INPP5A: variants seen among roughly 807,000 people sequenced by gnomAD.
The protein encoded by INPP5A is 43 kDa inositol polyphosphate 5-phophatase.
In INPP5A, 14 loss-of-function variants were observed where a neutral mutation model predicts 65.2. The observed-to-expected ratio is 0.21, with a 90% confidence interval of 0.14 to 0.34. The LOEUF is 0.34. Among genes scored for constraint, INPP5A ranks in the 10% least tolerant of loss-of-function variants. The probability of loss-of-function intolerance (pLI) is 1.00; values close to 1 mark genes in which losing one functional copy is unlikely to be tolerated. For synonymous variants in INPP5A, 207 were observed against 208.3 expected, an observed-to-expected ratio of 0.99 and a Z score of 0.05; for missense variants, 431 against 545.6, an observed-to-expected ratio of 0.79 and a Z score of 2.09.
In INPP5A at chr10:132,698,023, G is replaced by A; in HGVS notation, c.474+104G>A. 1.4e-6 allele frequency: 1 copy of A among 740,140 alleles called. No individual in the cohort carries two copies. Among genetic ancestry groups the A allele is most frequent in the Non-Finnish European group, 2.4e-6 (1 of 417,718 alleles). 45.8% of individuals were successfully genotyped at this position (740,140 alleles called of 1,614,324 possible). On this transcript the variant is annotated intron_variant, in intron 6 of 15. Transcript: ENST00000368594. This position sits in a 1 kb window ranked among gnomAD's most constrained non-coding sequence, Gnocchi z 5.5. Reference sequence around the variant, plus strand: ...TCGCATTGCACTGTTACTAGTCACAGCTGCCTGTTGTTACCTCCGATAATC... The same window carrying A: ...TCGCATTGCACTGTTACTAGTCACAACTGCCTGTTGTTACCTCCGATAATC...
intron 1 of INPP5A, among the ~76,000 whole-genome samples, chr10:132,569,041 G>A (rs1044016848): frequency 1.3e-5 from 2 of 150,814 alleles, no homozygotes; most frequent in Non-Finnish European, 2.9e-5. Context: ...TCAGCCTCTC[G>A]AGTAGCTGGG....
intron 5 of INPP5A, among the ~76,000 whole-genome samples, chr10:132,692,038 C>T (rs1326218388): frequency 2.6e-5 from 4 of 152,094 alleles, no homozygotes; most frequent in Non-Finnish European, 5.9e-5. Flanking sequence ...TGATGCTCAG[C>T]GCAGTCGGGG....
At chr10:132,717,697 T>A (rs1845766436) in intron 8 of INPP5A, among the ~76,000 whole-genome samples, 1 of 148,170 alleles carries the variant, frequency 6.7e-6, no homozygotes, top group East Asian at 2.0e-4. Context: ...GTCTTGCGGG[T>A]TCTGTGGTGC....
At chr10:132,615,693 A>C (rs1300405683) in intron 2 of INPP5A, among the ~76,000 whole-genome samples, 3 of 152,022 alleles carry the variant, frequency 2.0e-5, no homozygotes, top group African/African-American at 7.3e-5. Flanking sequence ...CCTGCTGGAG[A>C]GTGGGCAGCT....
rs1473732901 is a variant in INPP5A at position 132,549,102 on chromosome 10, C to G, written c.75+10931C>G. Among the ~76,000 whole-genome samples, 1 of 152,160 alleles carries G rather than the reference C, an allele frequency of 6.6e-6. No homozygotes were observed. The highest frequency in any genetic ancestry group is 1.5e-5 in the Non-Finnish European group (1 of 68,028). On this transcript the variant is annotated intron_variant, in intron 1 of 15. Coordinates refer to ENST00000368594, the MANE Select transcript of INPP5A (RefSeq NM_005539.5). The surrounding 1 kb of genome is among the most constrained non-coding windows in gnomAD (Gnocchi z 4.9). ...GCCACTGCGCCTGGGCTTGTCTTCC[C>G]TGTTTCATGGCTGAGCAGTGTCCCC...
intron 11 of INPP5A, among the ~76,000 whole-genome samples, chr10:132,751,179 C>T (rs896234421): frequency 6.6e-6 from 1 of 152,214 alleles, no homozygotes; most frequent in African/African-American, 2.4e-5. Flanking sequence ...GCCTCCTGCC[C>T]CTCATCAACC....
chr10:132,628,463 C>CGGGGGGGGGGGGGG (rs55668291), intron 2 of INPP5A, among the ~76,000 whole-genome samples: 26 of 23,310 alleles, frequency 1.1e-3, no homozygotes, highest in South Asian at 2.9e-3. Flanking sequence ...GCTCTGGTGG[C>CGGGGGGGGGGGGGG]GGGGGGGGGG....
intron 11 of INPP5A, among the ~76,000 whole-genome samples, chr10:132,750,940 G>A (rs905051379): frequency 2.6e-5 from 4 of 152,336 alleles, no homozygotes; most frequent in African/African-American, 7.2e-5. Context: ...CCAGCCAGGT[G>A]TCTGTGTGTC....
At chr10:132,750,296 G>T (rs539144905) in intron 11 of INPP5A, among the ~76,000 whole-genome samples, 1 of 152,256 alleles carries the variant, frequency 6.6e-6, no homozygotes, top group Non-Finnish European at 1.5e-5. Context: ...TAGTGCATGC[G>T]TGTGCACATG....
intron 6 of INPP5A, among the ~76,000 whole-genome samples, chr10:132,699,899 C>T (rs1258774242): frequency 1.3e-5 from 2 of 152,210 alleles, no homozygotes; most frequent in African/African-American, 4.8e-5. Context: ...TGAAGTTGGG[C>T]AAGATCTGGG....
At chr10:132,710,179 G>A (rs917542145) in intron 7 of INPP5A, among the ~76,000 whole-genome samples, 158 bp from the exon 8 acceptor site, 1 of 152,266 alleles carries the variant, frequency 6.6e-6, no homozygotes, top group Non-Finnish European at 1.5e-5. Context: ...CTCTGGCCTT[G>A]TCGGAAGACA....
rs1476350959 is a variant in INPP5A at position 132,587,501 on chromosome 10, C to T, written c.76-20414C>T. On this transcript the variant is annotated intron_variant, in intron 1 of 15. Transcript: ENST00000368594. This position sits in a 1 kb window ranked among gnomAD's most constrained non-coding sequence, Gnocchi z 4.3. ...GGCCATACCAGACGGAACCTTTGTCCACAGGGTCCCTGTAACCAGAGCTGT... is the reference window on the plus strand; with the variant it reads ...GGCCATACCAGACGGAACCTTTGTCTACAGGGTCCCTGTAACCAGAGCTGT... 6.6e-6 allele frequency among the ~76,000 whole-genome samples: 1 copy of T among 152,162 alleles called. No individual in the cohort carries two copies. The highest frequency in any genetic ancestry group is 2.4e-5 in the African/African-American group (1 of 41,444).
chr10:132,730,719 G>T, intron 9 of INPP5A, among the ~76,000 whole-genome samples: 1 of 152,186 alleles, frequency 6.6e-6, no homozygotes, highest in East Asian at 1.9e-4. Context: ...AGCTCCTGCG[G>T]GCCTGGCTGA....
intron 12 of INPP5A, among the ~76,000 whole-genome samples, chr10:132,773,009 G>C (rs1164326720): frequency 6.6e-6 from 1 of 152,268 alleles, no homozygotes; most frequent in Non-Finnish European, 1.5e-5. Flanking sequence ...TGCACAGGTG[G>C]AGAGGACGCC....
chr10:132,736,085 A>G (rs190940694), intron 9 of INPP5A, among the ~76,000 whole-genome samples: 429 of 152,338 alleles, frequency 2.8e-3, no homozygotes, highest in African/African-American at 9.8e-3. Context: ...ATCTGGCACC[A>G]CGGAAGCTGT....
rs1000108920 is a variant in INPP5A, at chr10:132,646,023, C to T, written c.218+55C>T. ...TCCACTTCCCAGGGGTGTGGGGTGC[C>T]GGCGGGGGTCTTTTCATGGTACTAT... On this transcript the variant is annotated intron_variant, in intron 3 of 15. Coordinates refer to ENST00000368594, the MANE Select transcript of INPP5A (RefSeq NM_005539.5). The T allele has an allele frequency of 6.1e-5, 73 of 1,197,736 alleles. No homozygotes were observed. In the East Asian group the frequency reaches 6.6e-4, roughly 11 times the overall value. 74.2% of individuals were successfully genotyped at this position (1,197,736 alleles called of 1,614,324 possible).
chr10:132,722,473 C>A (rs1451354259), intron 8 of INPP5A, among the ~76,000 whole-genome samples: 2 of 152,242 alleles, frequency 1.3e-5, no homozygotes, highest in African/African-American at 2.4e-5. Context: ...TCTCCCGCCA[C>A]CTGCCCTGTC....
rs201167385 is a variant in INPP5A, at chr10:132,749,590, G to A, written c.806G>A (p.Arg269His). Reference protein sequence around the residue: ...DTNEVVKLIFRESDNDRKVML... With the variant: ...DTNEVVKLIFHESDNDRKVML... ...AATGAAGTGGTGAAGCTCATATTTC[G>A]TGAGTCGGACAACGACCGGAAGGTG... The change falls in exon 10 of 16, where the codon CGT (arginine) becomes CAT (histidine). Residue 269 changes from arginine (R) to histidine (H), a missense_variant. Physicochemically the swap from Arg to His is conservative, Grantham distance 29 (BLOSUM62 0). Coordinates refer to ENST00000368594, the MANE Select transcript of INPP5A (RefSeq NM_005539.5). 6 of 1,613,030 alleles carry A rather than the reference G, an allele frequency of 3.7e-6. No homozygotes were observed. Among genetic ancestry groups the A allele is most frequent in the Admixed American group, 1.7e-5 (1 of 60,020 alleles).
chr10:132,771,623 C>T (rs1399235609), intron 12 of INPP5A, among the ~76,000 whole-genome samples: 1 of 151,568 alleles, frequency 6.6e-6, no homozygotes, highest in Non-Finnish European at 1.5e-5. Context: ...GGGACGGACA[C>T]TCAGCACTGA....
Sources: allele counts gnomAD v4.1 joint callset (sites outside exome capture counted in the v4.1 genomes callset), GRCh38; gene constraint gnomAD v4.1.1; non-coding constraint Gnocchi (gnomAD v3.1); transcripts MANE v1.5; gene names NCBI Gene and HGNC (gene_info 2026-07-23, HGNC 2026-07-21).